Variants in ZBTB20 observed in about 807,000 individuals in gnomAD.
ZBTB20 encodes zinc finger and BTB domain-containing protein 20.
A neutral mutation model predicts 56.9 loss-of-function variants in ZBTB20; 9 were observed. The ratio of observed to expected loss-of-function variants is 0.16; its 90% CI spans 0.10 to 0.28. The LOEUF (loss-of-function observed/expected upper bound fraction) is 0.28, where lower values mean the gene tolerates loss of function less well. Among genes scored for constraint, ZBTB20 ranks in the 10% least tolerant of loss-of-function variants. ZBTB20 has a pLI of 1.00. For synonymous variants in ZBTB20, 417 were observed against 420.7 expected, an observed-to-expected ratio of 0.99 and a Z score of 0.11; for missense variants, 655 against 1,003.0, an observed-to-expected ratio of 0.65 and a Z score of 4.69.
At chr3:114,537,530 T>C (rs2048613381) in intron 6 of ZBTB20, among the ~76,000 whole-genome samples, 1 of 152,196 alleles carries the variant, frequency 6.6e-6, no homozygotes, top group African/African-American at 2.4e-5. Flanking sequence ...GCTTTTACAC[T>C]GTTGGTGGGA....
At chr3:114,559,826 A>T (rs2110270035) in intron 6 of ZBTB20, among the ~76,000 whole-genome samples, 1 of 152,286 alleles carries the variant, frequency 6.6e-6, no homozygotes, top group East Asian at 1.9e-4. Flanking sequence ...CGGGAAAAAG[A>T]TGTCTAGTTC....
intron 6 of ZBTB20, among the ~76,000 whole-genome samples, chr3:114,523,831 A>T (rs2046911609): frequency 6.6e-6 from 1 of 152,218 alleles, no homozygotes; most frequent in South Asian, 2.1e-4. Flanking sequence ...AGAGGGAAAA[A>T]TATGAAATAT....
At position 114,324,159 on chromosome 3, in the gene ZBTB20, A is replaced by G. The variant is rs965720104; in HGVS notation, c.*14846T>C. Reference sequence around the variant, plus strand: ...AAAACATTAAGCCAATAGGCAGAAAATAAAAGGAAGTAGTCTAGTTAAAAT... The same window carrying G: ...AAAACATTAAGCCAATAGGCAGAAAGTAAAAGGAAGTAGTCTAGTTAAAAT... On this transcript the variant is annotated 3_prime_UTR_variant, in exon 12 of 12. Transcript: ENST00000675478. 3.9e-5 allele frequency: 6 copies of G among 152,232 alleles called. No homozygotes were observed. The highest frequency in any genetic ancestry group is 1.4e-4 in the African/African-American group (6 of 41,464). The allele number at this position is 152,232 out of a possible 1,614,324, so 9.4% of individuals were successfully genotyped here.
In ZBTB20 at chr3:114,323,908, CAAGT is replaced by C. The variant is rs1209830277; in HGVS notation, c.*15093_*15096del. The C allele has an allele frequency of 6.6e-6, 1 of 152,156 alleles. No individual in the cohort carries two copies. Among genetic ancestry groups the C allele is most frequent in the African/African-American group, 2.4e-5 (1 of 41,420 alleles). 9.4% of individuals were successfully genotyped at this position (152,156 alleles called of 1,614,324 possible). A position where few individuals can be genotyped will look rare whatever the true frequency, so the allele number is the denominator to read the frequency against. On this transcript the variant is annotated 3_prime_UTR_variant, in exon 12 of 12. Coordinates refer to ENST00000675478, the MANE Select transcript of ZBTB20 (RefSeq NM_001348800.3). ...ATACGTAACACACTCTCTCCCAGCA[CAAGT>C]AAGTACATTTCAGTAGTGCAATGCA...
At chr3:114,787,368 T>TATATATATACAC (rs1433434685) in intron 5 of ZBTB20, among the ~76,000 whole-genome samples, 25 of 106,292 alleles carry the variant, frequency 2.4e-4, no homozygotes, top group African/African-American at 1.0e-3. Flanking sequence ...TATATATATA[T>TATATATATACAC]ACACACACAC....
chr3:114,496,483 C>T (rs749475024), intron 7 of ZBTB20, among the ~76,000 whole-genome samples: 1 of 152,156 alleles, frequency 6.6e-6, no homozygotes, highest in African/African-American at 2.4e-5. Flanking sequence ...TTCAATAGGT[C>T]CCTACTCCTC....
intron 5 of ZBTB20, among the ~76,000 whole-genome samples, chr3:114,784,148 C>A: frequency 6.6e-6 from 1 of 152,054 alleles, no homozygotes; most frequent in East Asian, 1.9e-4. Context: ...ATATGCTGTC[C>A]TCCTTCATTT....
At chr3:114,999,771 T>C (rs998266937) in intron 2 of ZBTB20, among the ~76,000 whole-genome samples, 1 of 151,712 alleles carries the variant, frequency 6.6e-6, no homozygotes, top group African/African-American at 2.4e-5. Flanking sequence ...GTTTCAGCTA[T>C]CATTGTTTTT....
At chr3:115,087,428 T>G (rs2083028123) in intron 1 of ZBTB20, among the ~76,000 whole-genome samples, 1 of 151,870 alleles carries the variant, frequency 6.6e-6, no homozygotes, top group Non-Finnish European at 1.5e-5. Flanking sequence ...CTCAGCTAAT[T>G]CTAATGGTTT....
At chr3:114,819,033 G>C (rs990169498) in intron 4 of ZBTB20, among the ~76,000 whole-genome samples, 5 of 151,836 alleles carry the variant, frequency 3.3e-5, no homozygotes, top group African/African-American at 1.2e-4. Flanking sequence ...TTTTACAGTG[G>C]GTTTATCAGA....
chr3:114,545,092 G>A (rs913700558), intron 6 of ZBTB20, among the ~76,000 whole-genome samples: 3 of 152,122 alleles, frequency 2.0e-5, no homozygotes, highest in Admixed American at 6.6e-5. Context: ...TTATCCATGA[G>A]CATCATCTCT....
chr3:114,871,029 G>A (rs2075984239), intron 4 of ZBTB20, among the ~76,000 whole-genome samples: 1 of 145,856 alleles, frequency 6.9e-6, no homozygotes, highest in Non-Finnish European at 1.5e-5. Flanking sequence ...GGCATGAAGA[G>A]AGTTCTTAGA....
intron 6 of ZBTB20, among the ~76,000 whole-genome samples, chr3:114,504,262 G>A (rs1170908565): frequency 6.6e-6 from 1 of 152,058 alleles, no homozygotes; most frequent in South Asian, 2.1e-4. Flanking sequence ...AGCAACAATG[G>A]AGTAGAGGAG....
At chr3:114,794,247 G>A (rs1432706462) in intron 5 of ZBTB20, among the ~76,000 whole-genome samples, 1 of 151,986 alleles carries the variant, frequency 6.6e-6, no homozygotes, top group African/African-American at 2.4e-5. Context: ...ACAGTATCTG[G>A]TATATTAGGT....
chr3:114,775,301 C>T (rs1338488014), intron 5 of ZBTB20, among the ~76,000 whole-genome samples: 1 of 152,098 alleles, frequency 6.6e-6, no homozygotes, highest in Non-Finnish European at 1.5e-5. Context: ...CTTTGCCCCA[C>T]TTGTTTTTTG....
At chr3:114,810,231 C>A (rs2108874118) in intron 4 of ZBTB20, among the ~76,000 whole-genome samples, 1 of 152,280 alleles carries the variant, frequency 6.6e-6, no homozygotes. Flanking sequence ...GCCTTTCAGA[C>A]CTCTAGGAAT....
At chr3:114,402,144 G>C (rs190507770) in intron 7 of ZBTB20, among the ~76,000 whole-genome samples, 163 of 152,274 alleles carry the variant, frequency 1.1e-3, no homozygotes, top group Middle Eastern at 3.4e-3. Flanking sequence ...TGAAACAGTG[G>C]ACTAGACTAG....
At chr3:114,953,494 G>C (rs1344085491) in intron 3 of ZBTB20, among the ~76,000 whole-genome samples, 1 of 151,462 alleles carries the variant, frequency 6.6e-6, no homozygotes, top group Non-Finnish European at 1.5e-5. Context: ...CAAATATAAT[G>C]AAAAAGGTAG....
At chr3:114,378,889 T>C (rs576578125) in intron 10 of ZBTB20, 1 of 152,394 alleles carries the variant, frequency 6.6e-6, no homozygotes, top group Non-Finnish European at 1.5e-5. Flanking sequence ...CTGGTTTCTC[T>C]ATAGAAGCCT....
Sources: gnomAD v4.1 joint callset for allele counts (sites outside exome capture counted in the v4.1 genomes callset) on GRCh38, gnomAD v4.1.1 for gene constraint, MANE v1.5 for transcripts, NCBI Gene and HGNC (gene_info 2026-07-23, HGNC 2026-07-21) for gene names.